Variants in DENND2A observed in about 807,000 individuals in gnomAD.
DENND2A encodes DENN domain-containing protein 2A.
Under a neutral mutation model 105.3 loss-of-function variants are expected in DENND2A, and 53 were observed. The ratio of observed to expected loss-of-function variants is 0.50; its 90% CI spans 0.40 to 0.63. The LOEUF (loss-of-function observed/expected upper bound fraction) is 0.63. Ranked by LOEUF, DENND2A falls within the 30% of genes least tolerant of loss-of-function variation. The pLI is 0.00. For synonymous variants in DENND2A, 522 were observed against 508.4 expected (o/e 1.03, Z -0.36); for missense variants, 1,138 against 1,279.6 (o/e 0.89, Z 1.69).
chr7:140,559,571 C>T lies in DENND2A; in HGVS notation c.1889+137G>A, dbSNP rs1797529599. 1.6e-6 allele frequency: 1 copy of T among 641,638 alleles called. No individual in the cohort carries two copies. The highest frequency in any genetic ancestry group is 3.1e-5 in the Admixed American group (1 of 31,820). The allele number at this position is 641,638 out of a possible 1,614,324, so 39.7% of individuals were successfully genotyped here. On this transcript the variant is annotated intron_variant, in intron 10 of 19. Coordinates refer to ENST00000496613, the MANE Select transcript of DENND2A (RefSeq NM_015689.5). This position sits in a 1 kb window ranked among gnomAD's most constrained non-coding sequence, Gnocchi z 4.1. ...CCTTCAGGGAAGCTTTAAAAACACCCCTTGGGGAAAGCTCTAGGCCAGGCC... is the reference window on the plus strand; with the variant it reads ...CCTTCAGGGAAGCTTTAAAAACACCTCTTGGGGAAAGCTCTAGGCCAGGCC...
chr7:140,567,828 T>A (rs1185596211), intron 8 of DENND2A, among the ~76,000 whole-genome samples: 1 of 152,182 alleles, frequency 6.6e-6, no homozygotes, highest in East Asian at 1.9e-4. Flanking sequence ...AACTCTGCAA[T>A]GAAATGGCCT....
intron 5 of DENND2A, 108 bp downstream of exon 5, chr7:140,585,481 G>A: frequency 6.8e-7 from 1 of 1,481,318 alleles, no homozygotes; most frequent in Non-Finnish European, 9.3e-7. Context: ...GAGCCCGGCA[G>A]GGCAGGTGGA....
At chr7:140,537,389 T>G (rs976058370) in intron 14 of DENND2A, among the ~76,000 whole-genome samples, 5 of 152,234 alleles carry the variant, frequency 3.3e-5, no homozygotes, top group Admixed American at 2.0e-4. Flanking sequence ...TAGCCAGTAG[T>G]CTATCATTTA....
intron 1 of DENND2A, among the ~76,000 whole-genome samples, chr7:140,636,536 C>T (rs150228508): frequency 1.2e-4 from 18 of 152,232 alleles, no homozygotes; most frequent in African/African-American, 3.1e-4. Context: ...GTTTCCGTCC[C>T]GCCCTGTGAT....
intron 1 of DENND2A, among the ~76,000 whole-genome samples, chr7:140,612,593 G>A (rs751485454): frequency 6.0e-5 from 9 of 151,242 alleles, no homozygotes; most frequent in Admixed American, 2.0e-4. Context: ...CCTCCACCTC[G>A]CGGGTTCCAG....
chr7:140,520,969 G>T (rs889421133), intron 18 of DENND2A, among the ~76,000 whole-genome samples: 1 of 151,298 alleles, frequency 6.6e-6, no homozygotes, highest in African/African-American at 2.4e-5. Context: ...CTGCCTCCTG[G>T]GTTCAAGCGA....
chr7:140,577,560 G>A (rs1277542544), intron 5 of DENND2A, among the ~76,000 whole-genome samples: 2 of 152,036 alleles, frequency 1.3e-5, no homozygotes, highest in Non-Finnish European at 2.9e-5. Flanking sequence ...ACCACGCCTG[G>A]CTAATTTTTG....
chr7:140,570,523 C>T (rs1171337650), intron 6 of DENND2A, among the ~76,000 whole-genome samples: 6 of 152,234 alleles, frequency 3.9e-5, no homozygotes, highest in African/African-American at 1.4e-4. Context: ...GGGATTAGAA[C>T]TGCTCCCGAG....
chr7:140,618,663 C>T (rs1185145353), intron 1 of DENND2A, among the ~76,000 whole-genome samples: 1 of 152,202 alleles, frequency 6.6e-6, no homozygotes, highest in Non-Finnish European at 1.5e-5. Flanking sequence ...CTGTCTTGCT[C>T]ACCTCTTCAA....
At position 140,572,723 on chromosome 7, in the gene DENND2A, C is replaced by CAG. The variant is rs533757729; in HGVS notation, c.1446+1083_1446+1084dup. ...AAGCCGAGATCACACCACTGTACTC[C>CAG]AGCTTGGGCAACAGAGTGAAACTCT... is the stretch of plus-strand genomic sequence containing the variant. On this transcript the variant is annotated intron_variant, in intron 6 of 19. Coordinates refer to ENST00000496613, the MANE Select transcript of DENND2A (RefSeq NM_015689.5). 7.4e-4 allele frequency among the ~76,000 whole-genome samples: 104 copies of CAG among 140,238 alleles called. No individual in the cohort carries two copies. In the South Asian group the frequency reaches 0.023, roughly 32 times the overall value. The allele number at this position is 140,238 out of a possible 152,430, so 92.0% of individuals were successfully genotyped here. A position where few individuals can be genotyped will look rare whatever the true frequency, so the allele number is the denominator to read the frequency against.
At chr7:140,578,499 C>T (rs184058720) in intron 5 of DENND2A, among the ~76,000 whole-genome samples, 1 of 152,290 alleles carries the variant, frequency 6.6e-6, no homozygotes, top group African/African-American at 2.4e-5. Context: ...GTCATTCACA[C>T]AAACATACAT....
intron 1 of DENND2A, among the ~76,000 whole-genome samples, chr7:140,626,191 G>A (rs1205788908): frequency 6.6e-6 from 1 of 152,124 alleles, no homozygotes; most frequent in African/African-American, 2.4e-5. Context: ...TAGGAACTTG[G>A]GAAATAGTTA....
In DENND2A at chr7:140,587,766, A is replaced by T. The variant is rs187732883; in HGVS notation, c.1010T>A (p.Phe337Tyr). Residue 337 changes from phenylalanine to tyrosine, a missense_variant, in exon 4 of 20, where the codon TTT (phenylalanine) becomes TAT (tyrosine). Coordinates refer to ENST00000496613, the MANE Select transcript of DENND2A (RefSeq NM_015689.5). ...AGAGGAAGACTGCAGTAAATCTTCA[A>T]ACTCATAGGACTTTCTGGAATGTGC... Reference protein sequence around the residue: ...SSADHRKSYEFEDLLQSSSES... With the variant: ...SSADHRKSYEYEDLLQSSSES... 2 of 1,600,334 alleles carry T rather than the reference A, an allele frequency of 1.2e-6. No individual in the cohort carries two copies. Among genetic ancestry groups the T allele is most frequent in the East Asian group, 2.3e-5 (1 of 44,272 alleles).
intron 11 of DENND2A, among the ~76,000 whole-genome samples, chr7:140,556,528 T>G (rs1329720378): frequency 6.7e-6 from 1 of 148,838 alleles, no homozygotes; most frequent in East Asian, 2.0e-4. Flanking sequence ...TTAGTAGAGA[T>G]AGGGTTTCAC....
At chr7:140,571,498 G>A (rs1000600864) in intron 6 of DENND2A, among the ~76,000 whole-genome samples, 2 of 152,008 alleles carry the variant, frequency 1.3e-5, no homozygotes, top group Non-Finnish European at 2.9e-5. Flanking sequence ...TTTAAACATT[G>A]TCTGGCCCTC....
intron 11 of DENND2A, 38 bp from the exon 12 acceptor site, chr7:140,555,751 A>G: frequency 6.5e-7 from 1 of 1,548,882 alleles, no homozygotes; most frequent in Non-Finnish European, 8.7e-7. Context: ...ATGAGTGTTG[A>G]CAACCTCAGG....
Position 140,546,917 on chromosome 7 carries a change from C to A in DENND2A, c.2060G>T (p.Arg687Ile). ...AACCAGGGCAGGAGAGATGCCTCGT[C>A]TTTTTTCCACCTCATCCAAGATCTG... ...FSRILDEVEK[R>I]RGISPALVQP... The change falls in exon 13 of 20, where the codon AGA becomes ATA. Residue 687 changes from arginine (R) to isoleucine (I), a missense_variant. By Grantham distance (97) the Arg-to-Ile change is moderately conservative. Coordinates refer to ENST00000496613, the MANE Select transcript of DENND2A (RefSeq NM_015689.5). The A allele has an allele frequency of 3.7e-6, 6 of 1,613,544 alleles. No homozygotes were observed. The highest frequency in any genetic ancestry group is 5.1e-6 in the Non-Finnish European group (6 of 1,179,642).
chr7:140,558,009 T>TC, intron 11 of DENND2A, 134 bp downstream of exon 11: 1 of 648,950 alleles, frequency 1.5e-6, no homozygotes, highest in African/African-American at 1.8e-5. Context: ...CACCTGCCAC[T>TC]CCCCCTGCTC....
chr7:140,553,321 C>CAATG (rs1183632590), intron 12 of DENND2A, among the ~76,000 whole-genome samples: 1 of 152,204 alleles, frequency 6.6e-6, no homozygotes, highest in East Asian at 1.9e-4. Context: ...ATAAACATCT[C>CAATG]AATGCTTTAC....
Sources: allele counts gnomAD v4.1 joint callset (sites outside exome capture counted in the v4.1 genomes callset), GRCh38; gene constraint gnomAD v4.1.1; non-coding constraint Gnocchi (gnomAD v3.1); transcripts MANE v1.5; gene names NCBI Gene and HGNC (gene_info 2026-07-23, HGNC 2026-07-21).